SUCLG2: variants seen among roughly 807,000 people sequenced by gnomAD.
SUCLG2 encodes succinate-CoA ligase GDP-forming subunit beta, also known as succinate--CoA ligase [GDP-forming] subunit beta, mitochondrial.
Under a neutral mutation model 47.9 loss-of-function variants are expected in SUCLG2, and 42 were observed. The observed-to-expected ratio is 0.88, with a 90% CI of 0.69 to 1.14. The LOEUF is 1.14. Among genes scored for constraint, SUCLG2 ranks in the 50% most tolerant of loss-of-function variants. SUCLG2 has a pLI of 0.00. For synonymous variants in SUCLG2, 195 were observed against 197.3 expected, an observed-to-expected ratio of 0.99 and a Z score of 0.10; for missense variants, 571 against 525.9, an observed-to-expected ratio of 1.09 and a Z score of -0.84.
chr3:67,561,418 C>T (rs777716593), intron 2 of SUCLG2, among the ~76,000 whole-genome samples: 1 of 152,088 alleles, frequency 6.6e-6, no homozygotes, highest in Non-Finnish European at 1.5e-5. Flanking sequence ...GCATTTCCTG[C>T]TCAGCAAGTC....
Position 67,498,295 on chromosome 3 carries a change from A to T in SUCLG2, c.758T>A (p.Val253Asp). 3 of 1,609,640 alleles carry T rather than the reference A, an allele frequency of 1.9e-6. No homozygotes were observed. Among genetic ancestry groups the T allele is most frequent in the African/African-American group, 2.7e-5 (2 of 72,798 alleles). The change falls in exon 8 of 11, where the codon GTT (valine) becomes GAT (aspartate). Residue 253 changes from valine (V) to aspartate (D), a missense_variant and splice_region_variant. Coordinates refer to ENST00000307227, the MANE Select transcript of SUCLG2 (RefSeq NM_003848.4). ...GTTTATCTTGGCATCAAAACAGACA[A>T]CTAAATAAAGAAGAAAACAATCATA... ...NPFGETPEGQVVCFDAKINFD... is the reference protein window; with the variant it reads ...NPFGETPEGQDVCFDAKINFD...
chr3:67,448,587 G>A (rs1703982185), intron 9 of SUCLG2, among the ~76,000 whole-genome samples: 1 of 152,194 alleles, frequency 6.6e-6, no homozygotes, highest in Non-Finnish European at 1.5e-5. Context: ...GTTTTGCCAT[G>A]TTGGCCAGGC....
chr3:67,536,816 G>T (rs1706557315), intron 2 of SUCLG2, among the ~76,000 whole-genome samples: 1 of 152,080 alleles, frequency 6.6e-6, no homozygotes, highest in Non-Finnish European at 1.5e-5. Flanking sequence ...CAATTAGGAG[G>T]GCCATCTGCT....
At chr3:67,642,199 G>C (rs569046734) in intron 1 of SUCLG2, among the ~76,000 whole-genome samples, 3 of 152,156 alleles carry the variant, frequency 2.0e-5, no homozygotes, top group African/African-American at 7.2e-5. Context: ...CCATTATCAG[G>C]CATAATTCAG....
rs561755724 is a variant in SUCLG2 at position 67,442,057 on chromosome 3, C to G, written c.1063-41206G>C. 1.1e-4 allele frequency among the ~76,000 whole-genome samples: 16 copies of G among 146,868 alleles called. No individual in the cohort carries two copies. The East Asian group carries it at 3.2e-3, about 30-fold the overall frequency. Reference sequence around the variant, plus strand: ...ACGAAGTCTCGCTCTGTCGCCCAGGCTGGAGTGCAGTGGCGGGATCTCAGC... The same window carrying G: ...ACGAAGTCTCGCTCTGTCGCCCAGGGTGGAGTGCAGTGGCGGGATCTCAGC... On this transcript the variant is annotated intron_variant, in intron 9 of 10. Transcript: ENST00000307227.
chr3:67,397,769 ATAC>A (rs1302641319), intron 10 of SUCLG2, among the ~76,000 whole-genome samples: 3 of 152,232 alleles, frequency 2.0e-5, no homozygotes, highest in Admixed American at 6.5e-5. Flanking sequence ...AGTTGAAACT[ATAC>A]TACAAGGCTA....
At chr3:67,450,764 ACAT>A (rs1417456723) in intron 9 of SUCLG2, among the ~76,000 whole-genome samples, 4 of 152,220 alleles carry the variant, frequency 2.6e-5, no homozygotes, top group African/African-American at 7.2e-5. Flanking sequence ...AAAGATAACA[ACAT>A]CATTTCCCAG....
intron 1 of SUCLG2, among the ~76,000 whole-genome samples, chr3:67,637,171 AAT>A (rs1701024959): frequency 1.3e-5 from 2 of 152,186 alleles, no homozygotes; most frequent in Non-Finnish European, 2.9e-5. Context: ...GAGTTTCTTC[AAT>A]ATGCCCAGAT....
rs377583549 is a variant in SUCLG2 at position 67,497,579 on chromosome 3, G to A, written c.919+555C>T. Among the ~76,000 whole-genome samples the A allele has an allele frequency of 7.2e-5, 11 of 152,208 alleles. No individual in the cohort carries two copies. In the South Asian group the frequency reaches 2.3e-3, roughly 32 times the overall value. On this transcript the variant is annotated intron_variant, in intron 8 of 10. Coordinates refer to ENST00000307227, the MANE Select transcript of SUCLG2 (RefSeq NM_003848.4). ...TCACAGAACCTGAAACTTTAGCAAC[G>A]TGATTAAAGTGTATGTCCTCTTCTA...
At chr3:67,612,061 AT>A (rs1311018686) in intron 1 of SUCLG2, among the ~76,000 whole-genome samples, 1 of 152,200 alleles carries the variant, frequency 6.6e-6, no homozygotes, top group African/African-American at 2.4e-5. Flanking sequence ...CTTATTAAGA[AT>A]TTGTAGCTGG....
chr3:67,363,170 C>A (rs1052556141), intron 10 of SUCLG2, among the ~76,000 whole-genome samples: 1 of 152,074 alleles, frequency 6.6e-6, no homozygotes, highest in African/African-American at 2.4e-5. Context: ...ACCAAAAGAA[C>A]CCTGAAATAG....
chr3:67,415,192 C>T (rs1310818575), intron 9 of SUCLG2, among the ~76,000 whole-genome samples: 2 of 151,974 alleles, frequency 1.3e-5, no homozygotes, highest in South Asian at 2.1e-4. Context: ...ATGAAATATT[C>T]GAATGGAAAA....
intron 9 of SUCLG2, among the ~76,000 whole-genome samples, chr3:67,410,467 A>G (rs942558468): frequency 2.0e-5 from 3 of 151,830 alleles, no homozygotes; most frequent in African/African-American, 7.2e-5. Flanking sequence ...AAGGGCACAG[A>G]GATTTGGGGG....
chr3:67,491,784 T>A (rs1705212964), intron 9 of SUCLG2, among the ~76,000 whole-genome samples: 2 of 152,238 alleles, frequency 1.3e-5, no homozygotes, highest in Non-Finnish European at 2.9e-5. Flanking sequence ...GTTTATTAAA[T>A]TTTTTAAATG....
At chr3:67,652,906 C>T (rs1701312302) in intron 1 of SUCLG2, among the ~76,000 whole-genome samples, 1 of 152,186 alleles carries the variant, frequency 6.6e-6, no homozygotes, top group East Asian at 1.9e-4. Context: ...TTTAAAAAAA[C>T]CTACTTTTAC....
chr3:67,571,553 T>C (rs1707609471), intron 2 of SUCLG2, among the ~76,000 whole-genome samples: 1 of 152,164 alleles, frequency 6.6e-6, no homozygotes, highest in Non-Finnish European at 1.5e-5. Context: ...ACTATCTCAT[T>C]TGTAAATGAA....
Position 67,522,724 on chromosome 3 carries a change from C to T in SUCLG2, c.418-2090G>A, listed in dbSNP as rs1371805740. ...TGTCGCCCAGGCTGGAGTGCAGTGGCGCGATCTCGGCTCACTGCAAGCTCT... is the reference window on the plus strand; with the variant it reads ...TGTCGCCCAGGCTGGAGTGCAGTGGTGCGATCTCGGCTCACTGCAAGCTCT... On this transcript the variant is annotated intron_variant, in intron 4 of 10. Transcript: ENST00000307227. Among the ~76,000 whole-genome samples, 6 of 147,560 alleles carry T rather than the reference C, an allele frequency of 4.1e-5. No individual in the cohort carries two copies. The East Asian group carries it at 6.0e-4, about 15-fold the overall frequency.
intron 9 of SUCLG2, among the ~76,000 whole-genome samples, chr3:67,430,547 G>A (rs201876372): frequency 6.6e-6 from 1 of 151,980 alleles, no homozygotes; most frequent in Non-Finnish European, 1.5e-5. Flanking sequence ...AAGAACTAGA[G>A]AAGCAAGAGC....
chr3:67,379,039 C>G (rs1451220552), intron 10 of SUCLG2, among the ~76,000 whole-genome samples: 2 of 152,164 alleles, frequency 1.3e-5, no homozygotes, highest in Non-Finnish European at 2.9e-5. Context: ...CTTCACCTCC[C>G]TGGTTCAAGC....
Sources: allele counts gnomAD v4.1 joint callset (sites outside exome capture counted in the v4.1 genomes callset), GRCh38; gene constraint gnomAD v4.1.1; transcripts MANE v1.5; gene names NCBI Gene and HGNC (gene_info 2026-07-23, HGNC 2026-07-21).